The following ERCC6L2 variants were observed in gnomAD, a reference collection of about 807,000 sequenced individuals.
ERCC6L2 encodes the protein ERCC excision repair 6 like 2.
In ERCC6L2, 77 loss-of-function variants were observed where a neutral mutation model predicts 132.0. The ratio of observed to expected loss-of-function variants is 0.58; its 90% CI spans 0.49 to 0.71. The LOEUF (loss-of-function observed/expected upper bound fraction) is 0.71. ERCC6L2 is among the 30% of genes least tolerant of loss of function. ERCC6L2 has a pLI of 0.00. For missense variants in ERCC6L2, 1,542 were observed against 1,837.6 expected (o/e 0.84, Z 2.94); for synonymous variants, 583 against 632.4 (o/e 0.92, Z 1.17).
chr9:95,901,331 G>A (rs901977103), intron 3 of ERCC6L2, among the ~76,000 whole-genome samples: 18 of 151,942 alleles, frequency 1.2e-4, no homozygotes, highest in African/African-American at 3.6e-4. Context: ...AAATTTCCAT[G>A]AGCCCTAACA....
intron 11 of ERCC6L2, among the ~76,000 whole-genome samples, chr9:95,939,853 T>C (rs1460262277): frequency 6.6e-6 from 1 of 152,190 alleles, no homozygotes; most frequent in African/African-American, 2.4e-5. Context: ...GATTTTTTAT[T>C]GTATCATTGT....
intron 19 of ERCC6L2, among the ~76,000 whole-genome samples, chr9:96,029,324 CAAAAA>C (rs955836656): frequency 1.3e-4 from 14 of 104,714 alleles, no homozygotes; most frequent in Admixed American, 5.0e-4. Flanking sequence ...AAAAAAAAAA[CAAAAA>C]AAAAATTAGG....
At chr9:95,928,183 C>T (rs1045933787) in intron 10 of ERCC6L2, 33 bp downstream of exon 10, 2 of 1,497,010 alleles carry the variant, frequency 1.3e-6, no homozygotes, top group Non-Finnish European at 1.9e-6. Flanking sequence ...CTTGATTGGC[C>T]AGCCTCAACT....
intron 2 of ERCC6L2, among the ~76,000 whole-genome samples, chr9:95,888,435 G>A (rs1194451884): frequency 6.6e-6 from 1 of 152,134 alleles, no homozygotes; most frequent in Non-Finnish European, 1.5e-5. Flanking sequence ...TTCTAGAGGT[G>A]ACTGATTTAA....
Position 95,962,360 on chromosome 9 carries a change from T to G in ERCC6L2, c.1948-4202T>G, listed in dbSNP as rs1432659884. The stretch of plus-strand genomic sequence containing the variant: ...GGTATAGGTATATGTAGAGTCTCCA[T>G]AGCTAACTGACAGAAATCCTCTCAC... On this transcript the variant is annotated intron_variant, in intron 13 of 18. Coordinates refer to ENST00000653738, the MANE Select transcript of ERCC6L2 (RefSeq NM_020207.7). Among the ~76,000 whole-genome samples, 3 of 152,142 alleles carry G rather than the reference T, an allele frequency of 2.0e-5. No individual in the cohort carries two copies. The East Asian group carries it at 5.8e-4, about 29-fold the overall frequency.
intron 20 of ERCC6L2, among the ~76,000 whole-genome samples, chr9:96,040,600 G>A (rs1446997861): frequency 6.6e-6 from 1 of 152,168 alleles, no homozygotes; most frequent in East Asian, 1.9e-4. Context: ...CTATCCACAA[G>A]GCCAAGGGCT....
rs547544233 is a variant in ERCC6L2, at chr9:95,936,196, A to G, written c.1752-5258A>G. On this transcript the variant is annotated intron_variant, in intron 11 of 18. Transcript: ENST00000653738. ...GAAAGGGAAGTAGTCATGGAGAAGA[A>G]GAAGTCTATAGTGATACTTAGCATG... Among the ~76,000 whole-genome samples the G allele has an allele frequency of 2.6e-5, 4 of 152,346 alleles. No homozygotes were observed. The South Asian group carries it at 8.3e-4, about 32-fold the overall frequency.
intron 4 of ERCC6L2, 66 bp downstream of exon 4, chr9:95,907,337 A>ATTTTTT: frequency 3.6e-6 from 2 of 558,524 alleles, no homozygotes; most frequent in Non-Finnish European, 5.2e-6. Context: ...TTATATTAAG[A>ATTTTTT]GTTTTTTTTT....
chr9:95,912,806 T>G (rs1316953055), intron 4 of ERCC6L2, among the ~76,000 whole-genome samples: 2 of 152,230 alleles, frequency 1.3e-5, no homozygotes, highest in African/African-American at 4.8e-5. Context: ...TTTTAGGATA[T>G]CTCACATATT....
chr9:95,900,709 T>C (rs1485244868), intron 3 of ERCC6L2, among the ~76,000 whole-genome samples: 1 of 152,166 alleles, frequency 6.6e-6, no homozygotes, highest in East Asian at 1.9e-4. Context: ...TCTGTTGTTT[T>C]AAAATGTTGC....
chr9:95,981,384 T>C (rs765568948), intron 17 of ERCC6L2, among the ~76,000 whole-genome samples: 2 of 152,244 alleles, frequency 1.3e-5, no homozygotes, highest in Non-Finnish European at 2.9e-5. Context: ...GTGTTTCCTT[T>C]GGTTTCTTAC....
chr9:95,886,802 G>A (rs1416055858), intron 2 of ERCC6L2, among the ~76,000 whole-genome samples: 4 of 152,122 alleles, frequency 2.6e-5, no homozygotes, highest in Non-Finnish European at 5.9e-5. Flanking sequence ...TGAGTCAGTG[G>A]GCTGGGAAAG....
rs891434189 is a variant in ERCC6L2, at chr9:96,018,163, G to A, written c.*4960G>A. ...CAAAGTGGCCTGAAGATGGATGGTC[G>A]TGATGGTTGCACAGCAATGTGAATT... On this transcript the variant is annotated 3_prime_UTR_variant, in exon 19 of 19. Transcript: ENST00000653738. Among the ~76,000 whole-genome samples, 3 of 152,264 alleles carry A rather than the reference G, an allele frequency of 2.0e-5. No homozygotes were observed. The highest frequency in any genetic ancestry group is 7.2e-5 in the African/African-American group (3 of 41,542).
chr9:95,890,920 A>G (rs531604717), intron 2 of ERCC6L2, among the ~76,000 whole-genome samples: 54 of 152,246 alleles, frequency 3.5e-4, no homozygotes, highest in African/African-American at 1.3e-3. Flanking sequence ...TCTGCCTCCT[A>G]AAGTGCTGGG....
At chr9:95,966,486 A>G in intron 13 of ERCC6L2, 76 bp from the exon 14 acceptor site, 2 of 1,323,262 alleles carry the variant, frequency 1.5e-6, no homozygotes, top group South Asian at 4.6e-5. Flanking sequence ...CTGTGTATAT[A>G]CAGGGAATGC....
At chr9:95,999,011 G>A (rs1423632442) in intron 17 of ERCC6L2, among the ~76,000 whole-genome samples, 1 of 152,242 alleles carries the variant, frequency 6.6e-6, no homozygotes, top group Non-Finnish European at 1.5e-5. Context: ...ATGGAAATAT[G>A]AAACTAGATA....
In ERCC6L2 at chr9:95,930,582, T is replaced by C. The variant is rs1446720550; in HGVS notation, c.1751+1718T>C. Among the ~76,000 whole-genome samples the C allele has an allele frequency of 3.3e-5, 5 of 152,210 alleles. No individual in the cohort carries two copies. The South Asian group carries it at 6.2e-4, about 19-fold the overall frequency. ...CTTCTCTTAAGAAAGATGATTAGGCTACTTTCACTACTCTCTCCCCGTTTT... is the reference window on the plus strand; with the variant it reads ...CTTCTCTTAAGAAAGATGATTAGGCCACTTTCACTACTCTCTCCCCGTTTT... On this transcript the variant is annotated intron_variant, in intron 11 of 18. Transcript: ENST00000653738.
intron 2 of ERCC6L2, among the ~76,000 whole-genome samples, chr9:95,897,483 A>T (rs1272900234): frequency 6.6e-6 from 1 of 152,158 alleles, no homozygotes; most frequent in Admixed American, 6.5e-5. Context: ...TAAGGAATTT[A>T]TTTTCTACAT....
At chr9:96,004,983 A>G in intron 18 of ERCC6L2, 3 of 312,402 alleles carry the variant, frequency 9.6e-6, no homozygotes, top group South Asian at 8.7e-5. Flanking sequence ...CACCTAATAT[A>G]TGCCCAGGCA....
Sources: allele counts gnomAD v4.1 joint callset (sites outside exome capture counted in the v4.1 genomes callset), GRCh38; gene constraint gnomAD v4.1.1; transcripts MANE v1.5; gene names NCBI Gene and HGNC (gene_info 2026-07-23, HGNC 2026-07-21).